Variants in SEPTIN2 observed in about 807,000 individuals in gnomAD.
SEPTIN2 encodes septin 2.
In SEPTIN2, 34 loss-of-function variants were observed where a neutral mutation model predicts 46.5. The observed-to-expected ratio is 0.73, with a 90% CI of 0.56 to 0.97. The LOEUF (loss-of-function observed/expected upper bound fraction) is 0.97, where lower values mean the gene tolerates loss of function less well. Ranked by LOEUF, SEPTIN2 falls within the 50% of genes least tolerant of loss-of-function variation. The probability of loss-of-function intolerance (pLI) is 0.00; values close to 1 mark genes in which losing one functional copy is unlikely to be tolerated. For synonymous variants in SEPTIN2, 175 were observed against 153.4 expected (o/e 1.14, Z -1.04); for missense variants, 347 against 448.4 (o/e 0.77, Z 2.04).
At chr2:241,316,806 C>A in intron 1 of SEPTIN2, 1 of 364,618 alleles carries the variant, frequency 2.7e-6, no homozygotes, top group Non-Finnish European at 4.9e-6. Flanking sequence ...CAAACTTCTG[C>A]ACCTTTGGCC....
At chr2:241,320,648 G>A (rs2076988498) in intron 1 of SEPTIN2, among the ~76,000 whole-genome samples, 1 of 152,130 alleles carries the variant, frequency 6.6e-6, no homozygotes, top group Admixed American at 6.5e-5. Flanking sequence ...AATTAGCTGG[G>A]CGTGGTGGCG....
intron 1 of SEPTIN2, among the ~76,000 whole-genome samples, chr2:241,319,001 T>C (rs2076767312): frequency 1.3e-5 from 2 of 152,200 alleles, no homozygotes; most frequent in Non-Finnish European, 2.9e-5. Flanking sequence ...CAGCCGAGTA[T>C]TTGTATTTTC....
chr2:241,339,118 G>T (rs1371147534), intron 7 of SEPTIN2, among the ~76,000 whole-genome samples: 2 of 145,780 alleles, frequency 1.4e-5, no homozygotes, highest in Non-Finnish European at 3.0e-5. Flanking sequence ...TCTAGGCCGA[G>T]TGTGGTGGCT....
At chr2:241,331,087 G>A (rs1481097624) in intron 3 of SEPTIN2, among the ~76,000 whole-genome samples, 1 of 152,188 alleles carries the variant, frequency 6.6e-6, no homozygotes, top group Admixed American at 6.5e-5. Context: ...GCTGAGGCGG[G>A]AGAATCGCTT....
rs545125534 is a variant in SEPTIN2 at position 241,337,060 on chromosome 2, C to T, written c.342-322C>T. The T allele has an allele frequency of 9.7e-5, 18 of 184,978 alleles. No homozygotes were observed. The East Asian group carries it at 1.8e-3, about 18-fold the overall frequency. The allele number at this position is 184,978 out of a possible 1,614,324, so 11.5% of individuals were successfully genotyped here. A position where few individuals can be genotyped will look rare whatever the true frequency, so the allele number is the denominator to read the frequency against. ...AGTGAGCCGAGATCACGCCACTGCACTCCAGCCTGGGCAACAGTGCAAGAC... is the reference window on the plus strand; with the variant it reads ...AGTGAGCCGAGATCACGCCACTGCATTCCAGCCTGGGCAACAGTGCAAGAC... On this transcript the variant is annotated intron_variant, in intron 5 of 12. Transcript: ENST00000391971.
At chr2:241,331,357 C>T (rs2078978489) in intron 3 of SEPTIN2, among the ~76,000 whole-genome samples, 1 of 152,126 alleles carries the variant, frequency 6.6e-6, no homozygotes. Context: ...TAAGATCTGC[C>T]CCATTTGTGG....
rs539617284 is a variant in SEPTIN2, at chr2:241,342,622, G to A, written c.595-370G>A. 9.9e-4 allele frequency among the ~76,000 whole-genome samples: 130 copies of A among 131,896 alleles called. 1 individual carries two copies. The highest frequency in any genetic ancestry group is 3.2e-3 in the African/African-American group (111 of 35,092). 86.5% of individuals were successfully genotyped at this position (131,896 alleles called of 152,430 possible). ...GTGGTCTCAGCTCACTGCAAGCTCC[G>A]CCTCCCGGGTTCACGCCATTCTCCT... On this transcript the variant is annotated intron_variant, in intron 7 of 12. Transcript: ENST00000391971.
intron 7 of SEPTIN2, among the ~76,000 whole-genome samples, chr2:241,338,737 ATTAT>A (rs1262151718): frequency 2.5e-5 from 3 of 118,176 alleles, no homozygotes; most frequent in African/African-American, 1.0e-4. Context: ...TATATATTAT[ATTAT>A]TTATATGTAA....
intron 9 of SEPTIN2, 34 bp downstream of exon 9, chr2:241,343,931 T>A: frequency 6.2e-7 from 1 of 1,611,870 alleles, no homozygotes; most frequent in Non-Finnish European, 8.5e-7. Context: ...CTGGCAGAAT[T>A]TGGCGTGAAG....
chr2:241,344,480 C>T (rs543386597), intron 9 of SEPTIN2, among the ~76,000 whole-genome samples: 3 of 152,274 alleles, frequency 2.0e-5, no homozygotes, highest in Admixed American at 6.5e-5. Flanking sequence ...AGGCAGATCA[C>T]GAGGTCAGGA....
chr2:241,340,632 A>G (rs1420174433), intron 7 of SEPTIN2, among the ~76,000 whole-genome samples: 1 of 152,178 alleles, frequency 6.6e-6, no homozygotes, highest in East Asian at 1.9e-4. Flanking sequence ...TGAGGTAGAA[A>G]TGGGGGTGGT....
Position 241,353,557 on chromosome 2 carries a change from T to C in SEPTIN2, c.*1620T>C, listed in dbSNP as rs2060928155. ...TGCTACAGAAAATAATCTGGTGTTC[T>C]TGCTAACTTTGCCCTTCACTGTTGC... is the stretch of plus-strand genomic sequence containing the variant. On this transcript the variant is annotated 3_prime_UTR_variant, in exon 13 of 13. Transcript: ENST00000391971. 6.6e-6 allele frequency: 1 copy of C among 152,250 alleles called. No individual in the cohort carries two copies. The highest frequency in any genetic ancestry group is 1.5e-5 in the Non-Finnish European group (1 of 68,044). The allele number at this position is 152,250 out of a possible 1,614,324, so 9.4% of individuals were successfully genotyped here.
At chr2:241,346,006 C>A (rs577534684) in intron 9 of SEPTIN2, among the ~76,000 whole-genome samples, 160 bp from the exon 10 acceptor site, 3 of 152,182 alleles carry the variant, frequency 2.0e-5, no homozygotes, top group Admixed American at 1.3e-4. Flanking sequence ...GACATTTCCA[C>A]GGCCATACTC....
At chr2:241,330,889 G>C (rs193186012) in intron 3 of SEPTIN2, among the ~76,000 whole-genome samples, 4 of 152,340 alleles carry the variant, frequency 2.6e-5, no homozygotes, top group Admixed American at 2.6e-4. Flanking sequence ...AAGAAATTAG[G>C]CTGAGTGCAG....
chr2:241,333,610 C>T (rs1474230379), intron 3 of SEPTIN2, among the ~76,000 whole-genome samples: 4 of 133,122 alleles, frequency 3.0e-5, no homozygotes, highest in South Asian at 5.2e-4. Flanking sequence ...CCCGGGTTCA[C>T]GCCATTCTCC....
chr2:241,317,987 G>GT (rs1468038366), intron 1 of SEPTIN2, among the ~76,000 whole-genome samples: 5 of 152,164 alleles, frequency 3.3e-5, no homozygotes, highest in Non-Finnish European at 5.9e-5. Flanking sequence ...GTGCTTGGCA[G>GT]TTTGTGTTGC....
At chr2:241,337,212 G>C in intron 5 of SEPTIN2, 170 bp from the exon 6 acceptor site, 3 of 621,854 alleles carry the variant, frequency 4.8e-6, no homozygotes, top group South Asian at 2.4e-5. Context: ...GCTTGGCATA[G>C]TTTCCAAAAA....
At position 241,328,716 on chromosome 2, in the gene SEPTIN2, G is replaced by A. The variant is rs772581257; in HGVS notation, c.130+2603G>A. 5.8e-5 allele frequency among the ~76,000 whole-genome samples: 8 copies of A among 139,094 alleles called. No homozygotes were observed. In the East Asian group the frequency reaches 6.7e-4, roughly 12 times the overall value. 91.3% of individuals were successfully genotyped at this position (139,094 alleles called of 152,430 possible). On this transcript the variant is annotated intron_variant, in intron 3 of 12. Transcript: ENST00000391971. ...GAGATCCCATCATTGCACTCCAGCC[G>A]GGGCAACAAGAGAGAAACTCCATCT...
intron 3 of SEPTIN2, among the ~76,000 whole-genome samples, chr2:241,333,584 A>C (rs371347466): frequency 6.6e-6 from 1 of 151,484 alleles, no homozygotes; most frequent in Non-Finnish European, 1.5e-5. Context: ...ATCTCGGCTC[A>C]CTGCAAGCTC....
Sources: gnomAD v4.1 joint callset for allele counts (sites outside exome capture counted in the v4.1 genomes callset) on GRCh38, gnomAD v4.1.1 for gene constraint, MANE v1.5 for transcripts, NCBI Gene and HGNC (gene_info 2026-07-23, HGNC 2026-07-21) for gene names.